PRIMA1: variants seen among roughly 807,000 people sequenced by gnomAD.
PRIMA1 encodes proline-rich membrane anchor 1.
In PRIMA1, 7 loss-of-function variants were observed where a neutral mutation model predicts 17.5. That is an observed-to-expected ratio of 0.40 (90% confidence interval 0.23 to 0.75). The LOEUF (loss-of-function observed/expected upper bound fraction) is 0.75, where lower values mean the gene tolerates loss of function less well. Ranked by LOEUF, PRIMA1 falls within the 30% of genes least tolerant of loss-of-function variation. The probability of loss-of-function intolerance (pLI) is 0.37; values close to 1 mark genes in which losing one functional copy is unlikely to be tolerated. For missense variants in PRIMA1, 200 were observed against 201.8 expected (o/e 0.99, Z 0.05); for synonymous variants, 97 against 77.9 (o/e 1.25, Z -1.29).
At chr14:93,784,534 A>G (rs1885468368) in intron 2 of PRIMA1, among the ~76,000 whole-genome samples, 1 of 152,126 alleles carries the variant, frequency 6.6e-6, no homozygotes, top group Non-Finnish European at 1.5e-5. Context: ...CTTTACTTAA[A>G]ATGACATCCA....
At chr14:93,744,213 C>T (rs1423510551) in intron 3 of PRIMA1, among the ~76,000 whole-genome samples, 4 of 152,218 alleles carry the variant, frequency 2.6e-5, no homozygotes, top group Admixed American at 2.6e-4. Context: ...TCAGAAGTCT[C>T]TTCTGGGCTG....
In PRIMA1 at chr14:93,729,884, C is replaced by T. The variant is rs543462954; in HGVS notation, c.359+7357G>A. ...GGGGAAGGGAGAGAATGGCAGGAGG[C>T]CTACTGAAGAAATGGGGTTGAGAGG... On this transcript the variant is annotated intron_variant, in intron 4 of 4. Transcript: ENST00000393140. Among the ~76,000 whole-genome samples the T allele has an allele frequency of 1.1e-3, 169 of 151,214 alleles. 1 individual carries two copies. The highest frequency in any genetic ancestry group is 6.8e-3 in the Middle Eastern group (2 of 294).
intron 4 of PRIMA1, among the ~76,000 whole-genome samples, chr14:93,727,097 G>C (rs865893287): frequency 3.9e-5 from 6 of 152,250 alleles, no homozygotes; most frequent in South Asian, 4.2e-4. Context: ...CATCGCCCAG[G>C]GGGGTGGGAG....
chr14:93,720,550 T>A lies in PRIMA1; in HGVS notation c.*894A>T, dbSNP rs2076030888. ...CAGCGCCTGGCCAGCATCAGCCTGG[T>A]ACAGCAGGCCCACAGTGGATTTGGC... On this transcript the variant is annotated 3_prime_UTR_variant, in exon 5 of 5. Transcript: ENST00000393140. 1 of 152,966 alleles carries A rather than the reference T, an allele frequency of 6.5e-6. No homozygotes were observed. Among genetic ancestry groups the A allele is most frequent in the African/African-American group, 2.4e-5 (1 of 41,442 alleles). The allele number at this position is 152,966 out of a possible 1,614,324, so 9.5% of individuals were successfully genotyped here.
chr14:93,788,741 G>C (rs376719857), upstream of PRIMA1, among the ~76,000 whole-genome samples: 1 of 151,980 alleles, frequency 6.6e-6, no homozygotes, highest in Non-Finnish European at 1.5e-5. Flanking sequence ...CCGCGCGCGG[G>C]GCGGGAGGGG....
chr14:93,742,892 A>G (rs1005022096), intron 3 of PRIMA1, among the ~76,000 whole-genome samples: 1 of 152,168 alleles, frequency 6.6e-6, no homozygotes, highest in Non-Finnish European at 1.5e-5. Flanking sequence ...ACTCACAGCT[A>G]ACTCAGTACA....
Position 93,749,865 on chromosome 14 carries a change from A to G in PRIMA1, c.230-12495T>C, listed in dbSNP as rs148888999. Among the ~76,000 whole-genome samples the G allele has an allele frequency of 9.4e-4, 143 of 152,174 alleles. 1 individual carries two copies. Among genetic ancestry groups the G allele is most frequent in the Non-Finnish European group, 1.6e-3 (107 of 67,986 alleles). ...TGTGACCAGCCTGGGCAACATAGCA[A>G]GACAGAAAGTTAAAAAATTAGCTGG... On this transcript the variant is annotated intron_variant, in intron 3 of 4. Coordinates refer to ENST00000393140, the MANE Select transcript of PRIMA1 (RefSeq NM_178013.4).
At chr14:93,744,496 C>G (rs924181145) in intron 3 of PRIMA1, among the ~76,000 whole-genome samples, 2 of 152,252 alleles carry the variant, frequency 1.3e-5, no homozygotes, top group Non-Finnish European at 2.9e-5. Context: ...ACTCCTCACC[C>G]CGAAGGCAAC....
At chr14:93,729,635 T>C (rs1166401886) in intron 4 of PRIMA1, among the ~76,000 whole-genome samples, 5 of 152,212 alleles carry the variant, frequency 3.3e-5, no homozygotes, top group Admixed American at 2.6e-4. Context: ...CCTTTGGCCC[T>C]GACTCTGCAG....
chr14:93,757,351 G>C (rs35944504), intron 3 of PRIMA1, among the ~76,000 whole-genome samples: 4,943 of 152,346 alleles, frequency 0.032, 87 homozygotes, highest in Non-Finnish European at 0.052. Flanking sequence ...CGTTCCCTTC[G>C]GAGGGATGGG....
upstream of PRIMA1, among the ~76,000 whole-genome samples, chr14:93,788,737 G>GCGGGGCGGGAGGGGCGGCACCCCGCTCC (rs1353894717): frequency 2.6e-5 from 4 of 152,008 alleles, no homozygotes; most frequent in African/African-American, 9.7e-5. Flanking sequence ...CTAGCCGCGC[G>GCGGGGCGGGAGGGGCGGCACCCCGCTCC]CGGGGCGGGA....
chr14:93,741,466 T>C (rs2141164303), intron 3 of PRIMA1, among the ~76,000 whole-genome samples: 1 of 152,296 alleles, frequency 6.6e-6, no homozygotes, highest in South Asian at 2.1e-4. Context: ...GAAGATAGCA[T>C]CATGAAGGTG....
At chr14:93,751,057 G>A (rs1412188033) in intron 3 of PRIMA1, among the ~76,000 whole-genome samples, 1 of 152,228 alleles carries the variant, frequency 6.6e-6, no homozygotes, top group Non-Finnish European at 1.5e-5. Flanking sequence ...AACATTCCCT[G>A]GAAGGCTCGG....
At chr14:93,723,529 TC>T (rs1034729634) in intron 4 of PRIMA1, among the ~76,000 whole-genome samples, 4 of 152,122 alleles carry the variant, frequency 2.6e-5, no homozygotes, top group African/African-American at 9.7e-5. Flanking sequence ...AGCAAACTGT[TC>T]CCTTTTCTCC....
At chr14:93,782,828 TGG>T (rs1217876485) in intron 2 of PRIMA1, among the ~76,000 whole-genome samples, 1 of 152,236 alleles carries the variant, frequency 6.6e-6, no homozygotes, top group African/African-American at 2.4e-5. Flanking sequence ...GCCTCGACTC[TGG>T]GTTACTCAGA....
rs552694597 is a variant in PRIMA1 at position 93,726,963 on chromosome 14, C to T, written c.360-5417G>A. On this transcript the variant is annotated intron_variant, in intron 4 of 4. Transcript: ENST00000393140. This position sits in a 1 kb window ranked among gnomAD's most constrained non-coding sequence, Gnocchi z 4.2. Reference sequence around the variant, plus strand: ...CACACTCATATACACACACACTCAGCGTTCCATGATGAGACTCCTCTGTAG... The same window carrying T: ...CACACTCATATACACACACACTCAGTGTTCCATGATGAGACTCCTCTGTAG... 3.3e-5 allele frequency among the ~76,000 whole-genome samples: 5 copies of T among 152,300 alleles called. No individual in the cohort carries two copies. The highest frequency in any genetic ancestry group is 1.2e-4 in the African/African-American group (5 of 41,566).
chr14:93,730,326 A>G (rs8015340), intron 4 of PRIMA1, among the ~76,000 whole-genome samples: 94,494 of 152,154 alleles, frequency 0.62, 29,611 homozygotes, highest in South Asian at 0.74. Context: ...GGACAGCTAT[A>G]ACTCTAGCAG....
intron 3 of PRIMA1, among the ~76,000 whole-genome samples, chr14:93,770,396 T>C (rs528643740): frequency 6.6e-5 from 10 of 152,344 alleles, no homozygotes; most frequent in Non-Finnish European, 1.2e-4. Flanking sequence ...ACTGCCTCCC[T>C]GTGGGCTCAC....
chr14:93,738,262 T>A (rs779071731), intron 3 of PRIMA1, among the ~76,000 whole-genome samples: 2 of 152,160 alleles, frequency 1.3e-5, no homozygotes, highest in Non-Finnish European at 2.9e-5. Flanking sequence ...CCTGAAGGAC[T>A]TGTGTCAGTG....
Sources: gnomAD v4.1 joint callset for allele counts (sites outside exome capture counted in the v4.1 genomes callset) on GRCh38, gnomAD v4.1.1 for gene constraint, Gnocchi (gnomAD v3.1) non-coding constraint, MANE v1.5 for transcripts, NCBI Gene and HGNC (gene_info 2026-07-23, HGNC 2026-07-21) for gene names.